SLC17A5: variants seen among roughly 807,000 people sequenced by gnomAD.
SLC17A5 encodes the protein solute carrier family 17 member 5, also known as sialin.
In SLC17A5, 47 loss-of-function variants were observed where a neutral mutation model predicts 59.4. That is an observed-to-expected ratio of 0.79 (90% CI 0.63 to 1.01). The LOEUF is 1.01. Among genes scored for constraint, SLC17A5 ranks in the 50% least tolerant of loss-of-function variants. The probability of loss-of-function intolerance (pLI) is 0.00; values close to 1 mark genes in which losing one functional copy is unlikely to be tolerated. For synonymous variants in SLC17A5, 202 were observed against 210.7 expected (o/e 0.96, Z 0.36); for missense variants, 522 against 595.5 (o/e 0.88, Z 1.28).
At position 73,641,763 on chromosome 6, in the gene SLC17A5, C is replaced by T. The variant is rs138093163; in HGVS notation, c.453G>A (p.Leu151=). 4 of 1,614,102 alleles carry T rather than the reference C, an allele frequency of 2.5e-6. No homozygotes were observed. Among genetic ancestry groups the T allele is most frequent in the Non-Finnish European group, 3.4e-6 (4 of 1,180,014 alleles). The part of the protein sequence containing the change: ...FGILGTAVLT[L]FTPIAADLGV... ...CTAAATCTGCAGCAATGGGAGTGAA[C>T]AGGGTGAGGACAGCAGTGCCAAGGA... is the stretch of plus-strand genomic sequence containing the variant. Residue 151 remains leucine (L), a synonymous_variant, in exon 3 of 11, where the codon CTG becomes CTA. Transcript: ENST00000355773.
chr6:73,618,234 A>AAAATAAAATG (rs1293876777), intron 7 of SLC17A5: 2 of 133,394 alleles, frequency 1.5e-5, no homozygotes, highest in East Asian at 3.8e-4. Flanking sequence ...GTCTTAAAAT[A>AAAATAAAATG]AAATAAAATG....
At chr6:73,600,235 T>G in intron 10 of SLC17A5, 116 bp downstream of exon 10, 1 of 845,850 alleles carries the variant, frequency 1.2e-6, no homozygotes, top group Non-Finnish European at 2.0e-6. Flanking sequence ...TTTTTGTTGC[T>G]AAAAAGAATT....
intron 2 of SLC17A5, among the ~76,000 whole-genome samples, chr6:73,642,136 C>T (rs1341084213): frequency 6.6e-6 from 1 of 152,210 alleles, no homozygotes; most frequent in Non-Finnish European, 1.5e-5. Flanking sequence ...TCGTAAACTT[C>T]AAGAAGGCTT....
At chr6:73,639,756 T>C (rs1038449320) in intron 3 of SLC17A5, among the ~76,000 whole-genome samples, 1 of 152,158 alleles carries the variant, frequency 6.6e-6, no homozygotes, top group Non-Finnish European at 1.5e-5. Flanking sequence ...AAATTCTATT[T>C]AGTTGTTGGC....
chr6:73,653,842 C>T lies in SLC17A5; in HGVS notation c.45G>A (p.Glu15=), dbSNP rs775952341. 4.4e-6 allele frequency: 7 copies of T among 1,606,464 alleles called. No individual in the cohort carries two copies. Among genetic ancestry groups the T allele is most frequent in the Non-Finnish European group, 5.9e-6 (7 of 1,177,444 alleles). The change falls in exon 1 of 11, where the codon GAG becomes GAA. Residue 15 remains glutamate (E), a synonymous_variant. Transcript: ENST00000355773. ...GTAGAAGAGGCGTGCGGTCCGTGCT[C>T]TCCTCGCCATCGTTCCGGGCCAGGT... is the stretch of plus-strand genomic sequence containing the variant. The part of the protein sequence containing the change: ...VRDLARNDGE[E]STDRTPLLPG...
At position 73,635,277 on chromosome 6, in the gene SLC17A5, G is replaced by A. The variant is rs114294777; in HGVS notation, c.819+105C>T. ...TCATTTCATTTGCCTATTCTACTTT[G>A]TCTAGAGCATGCACAATAGGAATAT... On this transcript the variant is annotated intron_variant, in intron 6 of 10. Transcript: ENST00000355773. The A allele has an allele frequency of 1.0e-3, 697 of 698,908 alleles. 1 individual carries two copies. Among genetic ancestry groups the A allele is most frequent in the African/African-American group, 7.4e-3 (414 of 56,304 alleles). The allele number at this position is 698,908 out of a possible 1,614,324, so 43.3% of individuals were successfully genotyped here. A position where few individuals can be genotyped will look rare whatever the true frequency, so the allele number is the denominator to read the frequency against.
intron 6 of SLC17A5, among the ~76,000 whole-genome samples, chr6:73,627,297 T>G (rs664953): frequency 0.44 from 66,529 of 151,792 alleles, 15,543 homozygotes; most frequent in African/African-American, 0.59. Context: ...GGATGGTCTC[T>G]ATCTGTTGAC....
rs754150320 is a variant in SLC17A5, at chr6:73,641,772, G to A, written c.444C>T (p.Val148=). The A allele has an allele frequency of 3.1e-6, 5 of 1,614,090 alleles. No homozygotes were observed. The highest frequency in any genetic ancestry group is 4.2e-6 in the Non-Finnish European group (5 of 1,180,020). ...CAGCAATGGGAGTGAACAGGGTGAG[G>A]ACAGCAGTGCCAAGGATCCCAAATC... ...LLGFGILGTA[V]LTLFTPIAAD... The change falls in exon 3 of 11, where the codon GTC becomes GTT. Residue 148 remains valine (V), a synonymous_variant. Coordinates refer to ENST00000355773, the MANE Select transcript of SLC17A5 (RefSeq NM_012434.5).
At chr6:73,620,345 T>G (rs1305460634) in intron 7 of SLC17A5, among the ~76,000 whole-genome samples, 1 of 152,206 alleles carries the variant, frequency 6.6e-6, no homozygotes. Context: ...ATTTATTTCT[T>G]TCTTTTTTAA....
chr6:73,645,323 A>C (rs1353150727), intron 1 of SLC17A5: 1 of 985,304 alleles, frequency 1.0e-6, no homozygotes, highest in East Asian at 1.1e-4. Context: ...GGTTTGAATC[A>C]GAAGCCATGA....
intron 7 of SLC17A5, 106 bp downstream of exon 7, chr6:73,621,698 A>G: frequency 1.1e-6 from 1 of 905,804 alleles, no homozygotes; most frequent in South Asian, 1.6e-5. Context: ...AGGACAGCAG[A>G]GTAAAATGGA....
chr6:73,617,741 G>A (rs773985833), intron 7 of SLC17A5, among the ~76,000 whole-genome samples: 1 of 152,200 alleles, frequency 6.6e-6, no homozygotes, highest in Admixed American at 6.5e-5. Flanking sequence ...TAGGGAGGCC[G>A]AGGCAGGAGA....
chr6:73,604,534 A>G (rs964307691), intron 9 of SLC17A5, among the ~76,000 whole-genome samples: 7 of 152,092 alleles, frequency 4.6e-5, no homozygotes, highest in African/African-American at 1.7e-4. Flanking sequence ...GCTTGAGCCC[A>G]GGAGTTTGAG....
chr6:73,624,759 G>C (rs1768326732), intron 6 of SLC17A5, among the ~76,000 whole-genome samples: 1 of 152,100 alleles, frequency 6.6e-6, no homozygotes, highest in African/African-American at 2.4e-5. Flanking sequence ...TGTAGTCCCA[G>C]CTACTTGGGA....
chr6:73,624,698 A>T (rs1466330741), intron 6 of SLC17A5, among the ~76,000 whole-genome samples: 1 of 151,998 alleles, frequency 6.6e-6, no homozygotes, highest in Non-Finnish European at 1.5e-5. Flanking sequence ...ACATGGTGAA[A>T]CCCCGTCTCT....
At chr6:73,603,923 A>C (rs975401865) in intron 9 of SLC17A5, among the ~76,000 whole-genome samples, 1 of 136,582 alleles carries the variant, frequency 7.3e-6, no homozygotes, top group Non-Finnish European at 1.6e-5. Context: ...AAACAAAAAC[A>C]AAAAACAAAA....
At chr6:73,637,882 TATATAAA>T (rs1397069201) in intron 4 of SLC17A5, among the ~76,000 whole-genome samples, 3 of 152,132 alleles carry the variant, frequency 2.0e-5, no homozygotes, top group Admixed American at 1.3e-4. Flanking sequence ...ATAATTCACA[TATATAAA>T]ACTCATGTTA....
At chr6:73,648,268 T>C (rs1183839612) in intron 1 of SLC17A5, among the ~76,000 whole-genome samples, 1 of 152,228 alleles carries the variant, frequency 6.6e-6, no homozygotes, top group African/African-American at 2.4e-5. Flanking sequence ...TTCTTTGAAA[T>C]TGATCCAACA....
At chr6:73,642,050 A>C in intron 2 of SLC17A5, 126 bp from the exon 3 acceptor site, 1 of 809,678 alleles carries the variant, frequency 1.2e-6, no homozygotes, top group Non-Finnish European at 2.1e-6. Flanking sequence ...AAGAACATGC[A>C]AACTTTCTAG....
Sources: allele counts gnomAD v4.1 joint callset (sites outside exome capture counted in the v4.1 genomes callset), GRCh38; gene constraint gnomAD v4.1.1; transcripts MANE v1.5; gene names NCBI Gene and HGNC (gene_info 2026-07-23, HGNC 2026-07-21).